SEL1L2: variants seen among roughly 807,000 people sequenced by gnomAD.
SEL1L2 encodes SEL1L2 adaptor subunit of SYVN1 ubiquitin ligase, also known as protein sel-1 homolog 2.
A neutral mutation model predicts 98.8 loss-of-function variants in SEL1L2; 89 were observed. That is an observed-to-expected ratio of 0.90 (90% CI 0.76 to 1.07). The LOEUF (loss-of-function observed/expected upper bound fraction) is 1.07, where lower values mean the gene tolerates loss of function less well. Ranked by LOEUF, SEL1L2 falls within the 50% of genes least tolerant of loss-of-function variation. SEL1L2 has a pLI of 0.00. For synonymous variants in SEL1L2, 262 were observed against 278.5 expected, an observed-to-expected ratio of 0.94 and a Z score of 0.59; for missense variants, 788 against 812.0, an observed-to-expected ratio of 0.97 and a Z score of 0.36.
At chr20:13,905,166 T>C (rs1406495978) in intron 5 of SEL1L2, among the ~76,000 whole-genome samples, 2 of 152,220 alleles carry the variant, frequency 1.3e-5, no homozygotes, top group African/African-American at 4.8e-5. Flanking sequence ...ATGGGTGATT[T>C]TGAATTAATT....
At chr20:13,857,184 G>A (rs1055621719) in intron 18 of SEL1L2, among the ~76,000 whole-genome samples, 22 of 150,488 alleles carry the variant, frequency 1.5e-4, no homozygotes, top group African/African-American at 5.4e-4. Context: ...CCAAGTGGGA[G>A]GTTAAGAGTA....
rs529942748 is a variant in SEL1L2 at position 13,884,131 on chromosome 20, C to T, written c.957+1216G>A. Among the ~76,000 whole-genome samples the T allele has an allele frequency of 8.5e-5, 13 of 152,270 alleles. No homozygotes were observed. The East Asian group carries it at 2.3e-3, about 27-fold the overall frequency. ...AATACAAATTATAGTACCAAAGACA[C>T]ATCCATAAAATAACACAAAATGAAA... On this transcript the variant is annotated intron_variant, in intron 10 of 19. Coordinates refer to ENST00000284951, the MANE Select transcript of SEL1L2 (RefSeq NM_025229.2).
intron 18 of SEL1L2, among the ~76,000 whole-genome samples, chr20:13,850,648 C>T (rs974600799): frequency 6.6e-6 from 1 of 152,126 alleles, no homozygotes; most frequent in Non-Finnish European, 1.5e-5. Context: ...GTCCTACAAC[C>T]TCAATTAACT....
chr20:13,953,159 A>G (rs1186926364), intron 2 of SEL1L2, among the ~76,000 whole-genome samples: 4 of 152,114 alleles, frequency 2.6e-5, no homozygotes, highest in African/African-American at 9.7e-5. Context: ...AAAGGGTAAA[A>G]GTTTTTTTTA....
chr20:13,905,852 CTTAT>C (rs1305020020), intron 5 of SEL1L2, among the ~76,000 whole-genome samples: 1 of 146,714 alleles, frequency 6.8e-6, no homozygotes, highest in Non-Finnish European at 1.5e-5. Flanking sequence ...GTTTGTAAGA[CTTAT>C]TTCTTTTTCT....
At chr20:13,862,082 A>G (rs1424922695) in intron 17 of SEL1L2, among the ~76,000 whole-genome samples, 1 of 152,168 alleles carries the variant, frequency 6.6e-6, no homozygotes, top group Non-Finnish European at 1.5e-5. Context: ...AGCACCTTGA[A>G]CTCTTAATCA....
intron 4 of SEL1L2, 67 bp downstream of exon 4, chr20:13,918,954 T>G: frequency 9.6e-7 from 1 of 1,043,522 alleles, no homozygotes; most frequent in Non-Finnish European, 1.5e-6. Context: ...ATAAACTACA[T>G]TTGGGATTTT....
rs941310578 is a variant in SEL1L2, at chr20:13,955,780, A to G, written c.114+296T>C. Among the ~76,000 whole-genome samples, 90 of 152,190 alleles carry G rather than the reference A, an allele frequency of 5.9e-4. 1 individual carries two copies. Among genetic ancestry groups the G allele is most frequent in the African/African-American group, 2.2e-3 (90 of 41,450 alleles). On this transcript the variant is annotated intron_variant, in intron 2 of 19. Transcript: ENST00000284951. ...TGCTCTTTGTGTCTTAATATTTTGC[A>G]AAAGTAATTGCAGTTTTTACCATTG... is the stretch of plus-strand genomic sequence containing the variant.
intron 8 of SEL1L2, among the ~76,000 whole-genome samples, chr20:13,886,778 C>T (rs955680974): frequency 1.3e-5 from 2 of 151,852 alleles, no homozygotes; most frequent in Non-Finnish European, 2.9e-5. Flanking sequence ...ATCCCAGATA[C>T]CTGGGAAGCT....
At chr20:13,923,322 T>C (rs527800235) in intron 3 of SEL1L2, among the ~76,000 whole-genome samples, 1 of 152,350 alleles carries the variant, frequency 6.6e-6, no homozygotes, top group Admixed American at 6.5e-5. Flanking sequence ...AAAAGGTTTT[T>C]AAAAATTGTC....
chr20:13,855,679 T>TC (rs1270888167), intron 18 of SEL1L2, among the ~76,000 whole-genome samples: 1 of 152,140 alleles, frequency 6.6e-6, no homozygotes, highest in African/African-American at 2.4e-5. Context: ...GGTTTTGGGG[T>TC]CCCCTAAAGC....
chr20:13,989,168 T>C (rs1012666427), intron 1 of SEL1L2, among the ~76,000 whole-genome samples: 2 of 152,242 alleles, frequency 1.3e-5, no homozygotes, highest in African/African-American at 4.8e-5. Flanking sequence ...TAAACAATTT[T>C]TGTGGTCATC....
At position 13,886,406 on chromosome 20, in the gene SEL1L2, A is replaced by C. The variant is rs192491127; in HGVS notation, c.782T>G (p.Val261Gly). ...TCTTTCCGTTAGTCTCACTTTTTCC[A>C]CTGGAACACCTTCACTTTTTTCAAA... is the stretch of plus-strand genomic sequence containing the variant. Reference protein sequence around the residue: ...DTFEKSEGVPVEKVRLTERPE... With the variant: ...DTFEKSEGVPGEKVRLTERPE... The change falls in exon 9 of 20, where the codon GTG becomes GGG. Residue 261 changes from valine to glycine, a missense_variant. Val to Gly is a moderately radical substitution (Grantham distance 109). Transcript: ENST00000284951. 3.7e-5 allele frequency: 60 copies of C among 1,613,918 alleles called. No individual in the cohort carries two copies. Among genetic ancestry groups the C allele is most frequent in the Middle Eastern group, 1.6e-4 (1 of 6,062 alleles).
At chr20:13,955,050 T>G (rs1314183493) in intron 2 of SEL1L2, among the ~76,000 whole-genome samples, 1 of 152,304 alleles carries the variant, frequency 6.6e-6, no homozygotes, top group Non-Finnish European at 1.5e-5. Context: ...CATTTAGATT[T>G]AAGATTTACT....
chr20:13,989,803 A>C (rs1310792484), intron 1 of SEL1L2, among the ~76,000 whole-genome samples: 3 of 152,182 alleles, frequency 2.0e-5, no homozygotes, highest in African/African-American at 7.2e-5. Flanking sequence ...GTAAAATCCA[A>C]ATATTTCTTT....
intron 10 of SEL1L2, among the ~76,000 whole-genome samples, chr20:13,879,048 TGTCAGA>T (rs2046568008): frequency 6.6e-6 from 1 of 152,180 alleles, no homozygotes; most frequent in Non-Finnish European, 1.5e-5. Flanking sequence ...ATTACCAACA[TGTCAGA>T]GTCATGCTGT....
chr20:13,932,525 G>A (rs1394536430), intron 2 of SEL1L2, among the ~76,000 whole-genome samples: 6 of 151,668 alleles, frequency 4.0e-5, no homozygotes, highest in African/African-American at 9.7e-5. Context: ...TTCGCCTCCC[G>A]GGATCAAGTG....
At chr20:13,907,891 C>T (rs2048034340) in intron 5 of SEL1L2, among the ~76,000 whole-genome samples, 1 of 151,168 alleles carries the variant, frequency 6.6e-6, no homozygotes, top group South Asian at 2.1e-4. Context: ...CCTCAGCCTC[C>T]CAAGTGGCTG....
intron 17 of SEL1L2, 93 bp from the exon 18 acceptor site, chr20:13,859,527 T>C: frequency 9.2e-7 from 1 of 1,092,210 alleles, no homozygotes; most frequent in Non-Finnish European, 1.3e-6. Flanking sequence ...TTCAGTCCTT[T>C]AAAATATATA....
Sources: allele counts gnomAD v4.1 joint callset (sites outside exome capture counted in the v4.1 genomes callset), GRCh38; gene constraint gnomAD v4.1.1; transcripts MANE v1.5; gene names NCBI Gene and HGNC (gene_info 2026-07-23, HGNC 2026-07-21).